The following TXNDC16 variants were observed in gnomAD, a reference collection of about 807,000 sequenced individuals.
TXNDC16 encodes thioredoxin domain containing 16.
In TXNDC16, 74 loss-of-function variants were observed where a neutral mutation model predicts 85.6. The ratio of observed to expected loss-of-function variants is 0.86; its 90% CI spans 0.72 to 1.05. The LOEUF (loss-of-function observed/expected upper bound fraction) is 1.05, where lower values mean the gene tolerates loss of function less well. TXNDC16 is among the 50% of genes least tolerant of loss of function. The pLI is 0.00. For synonymous variants in TXNDC16, 335 were observed against 326.5 expected (o/e 1.03, Z -0.28); for missense variants, 959 against 947.0 (o/e 1.01, Z -0.17).
In TXNDC16 at chr14:52,439,392, T is replaced by C. The variant is rs1342066768; in HGVS notation, c.2006A>G (p.Lys669Arg). 1.2e-6 allele frequency: 2 copies of C among 1,611,112 alleles called. No homozygotes were observed. The highest frequency in any genetic ancestry group is 1.1e-5 in the South Asian group (1 of 90,652). Residue 669 changes from lysine to arginine, a missense_variant and splice_region_variant, in exon 20 of 21, where the codon AAG (lysine) becomes AGG (arginine). By Grantham distance (26) the Lys-to-Arg change is conservative. Coordinates refer to ENST00000281741, the MANE Select transcript of TXNDC16 (RefSeq NM_020784.3). ...GATTCCTCTCCCCACTGGAGTATTCTTTCTGCAAAAGGGAACAATTGAACA... is the reference window on the plus strand; with the variant it reads ...GATTCCTCTCCCCACTGGAGTATTCCTTCTGCAAAAGGGAACAATTGAACA... ...DSFTPCWLNLKNTPVGRGILR... is the reference protein window; with the variant it reads ...DSFTPCWLNLRNTPVGRGILR...
intron 8 of TXNDC16, among the ~76,000 whole-genome samples, chr14:52,514,385 TAGG>T (rs2140186220): frequency 6.6e-6 from 1 of 152,290 alleles, no homozygotes; most frequent in African/African-American, 2.4e-5. Context: ...ACTTTAACCC[TAGG>T]TTGCCCAGCC....
intron 16 of TXNDC16, among the ~76,000 whole-genome samples, chr14:52,466,159 A>C (rs1464670916): frequency 6.6e-6 from 1 of 151,940 alleles, no homozygotes; most frequent in Non-Finnish European, 1.5e-5. Flanking sequence ...CTCAGCAATA[A>C]AGGTAATATG....
intron 9 of TXNDC16, among the ~76,000 whole-genome samples, chr14:52,500,799 G>C (rs187545437): frequency 2.0e-5 from 3 of 152,154 alleles, no homozygotes; most frequent in African/African-American, 7.2e-5. Flanking sequence ...GAGACAGACA[G>C]CTAGATGAAC....
At chr14:52,453,408 A>C (rs530707918) in intron 18 of TXNDC16, among the ~76,000 whole-genome samples, 59 of 152,364 alleles carry the variant, frequency 3.9e-4, no homozygotes, top group African/African-American at 1.2e-3. Flanking sequence ...ATAACAGCCA[A>C]GATTTGGAAG....
chr14:52,508,469 G>C (rs1322103542), intron 9 of TXNDC16, among the ~76,000 whole-genome samples: 1 of 152,198 alleles, frequency 6.6e-6, no homozygotes, highest in Non-Finnish European at 1.5e-5. Flanking sequence ...CTGTTGGTGG[G>C]ACTGTAAACT....
At chr14:52,447,954 G>T (rs1055787129) in intron 18 of TXNDC16, among the ~76,000 whole-genome samples, 1 of 150,336 alleles carries the variant, frequency 6.7e-6, no homozygotes, top group Non-Finnish European at 1.5e-5. Flanking sequence ...GCAGAAGAAA[G>T]AATTACTGAG....
At chr14:52,482,792 T>C in intron 13 of TXNDC16, 30 bp downstream of exon 13, 3 of 1,556,174 alleles carry the variant, frequency 1.9e-6, no homozygotes, top group Non-Finnish European at 1.7e-6. Context: ...TGTCCTAATA[T>C]GTAACAGTCC....
In TXNDC16 at chr14:52,542,367, C is replaced by T. The variant is rs761478022; in HGVS notation, c.243+4G>A. On this transcript the variant is annotated splice_donor_region_variant and intron_variant, in intron 4 of 20. Transcript: ENST00000281741. Reference sequence around the variant, plus strand: ...ATATTTTAGTAACATAAATATCTTTCTACCTTGGCAACTGAAATTCCATAG... The same window carrying T: ...ATATTTTAGTAACATAAATATCTTTTTACCTTGGCAACTGAAATTCCATAG... The T allele has an allele frequency of 6.3e-7, 1 of 1,593,744 alleles. No individual in the cohort carries two copies. The highest frequency in any genetic ancestry group is 8.6e-7 in the Non-Finnish European group (1 of 1,168,118).
At chr14:52,434,624 A>C (rs2034985077) in intron 20 of TXNDC16, among the ~76,000 whole-genome samples, 1 of 152,236 alleles carries the variant, frequency 6.6e-6, no homozygotes, top group Non-Finnish European at 1.5e-5. Context: ...GCAATAAGTA[A>C]GGTGAGGCAG....
chr14:52,540,945 G>A (rs2037817135), intron 4 of TXNDC16, among the ~76,000 whole-genome samples: 1 of 152,052 alleles, frequency 6.6e-6, no homozygotes, highest in Non-Finnish European at 1.5e-5. Context: ...TGTAAAATCA[G>A]GAGTTTCAGG....
At chr14:52,472,194 T>C (rs2035922734) in intron 14 of TXNDC16, among the ~76,000 whole-genome samples, 1 of 151,972 alleles carries the variant, frequency 6.6e-6, no homozygotes, top group South Asian at 2.1e-4. Flanking sequence ...CTGTCTTTTT[T>C]TTTTTTGCTT....
chr14:52,534,375 G>A (rs533437020), intron 6 of TXNDC16, among the ~76,000 whole-genome samples: 3 of 152,238 alleles, frequency 2.0e-5, no homozygotes, highest in African/African-American at 4.8e-5. Flanking sequence ...ACACAAATTC[G>A]TAAACTTTCT....
intron 16 of TXNDC16, among the ~76,000 whole-genome samples, chr14:52,469,820 A>G (rs1196614308): frequency 6.6e-6 from 1 of 152,224 alleles, no homozygotes; most frequent in African/African-American, 2.4e-5. Context: ...TAAAACATAC[A>G]TAAATATGCA....
At chr14:52,453,080 G>A (rs933739805) in intron 18 of TXNDC16, among the ~76,000 whole-genome samples, 14 of 152,124 alleles carry the variant, frequency 9.2e-5, no homozygotes, top group Non-Finnish European at 1.6e-4. Flanking sequence ...TACATGAAAA[G>A]GTGCTCAACA....
chr14:52,444,692 C>T (rs2035238842), intron 18 of TXNDC16, among the ~76,000 whole-genome samples: 1 of 152,006 alleles, frequency 6.6e-6, no homozygotes, highest in Admixed American at 6.6e-5. Context: ...AAATTAGAGA[C>T]CAATTTTTAT....
At chr14:52,497,880 CAAA>C (rs36007755) in intron 9 of TXNDC16, among the ~76,000 whole-genome samples, 22 of 95,538 alleles carry the variant, frequency 2.3e-4, no homozygotes, top group Non-Finnish European at 3.0e-4. Context: ...GACTCTGTCT[CAAA>C]AAAAAAAAAA....
At chr14:52,459,112 T>C (rs2035597770) in intron 16 of TXNDC16, among the ~76,000 whole-genome samples, 2 of 152,198 alleles carry the variant, frequency 1.3e-5, no homozygotes, top group Non-Finnish European at 1.5e-5. Flanking sequence ...TCAGCTACTA[T>C]AAATATATTT....
chr14:52,505,349 A>C (rs1371552244), intron 9 of TXNDC16, among the ~76,000 whole-genome samples: 2 of 152,234 alleles, frequency 1.3e-5, no homozygotes, highest in Admixed American at 1.3e-4. Context: ...ATGTAAAAAA[A>C]CAGAAATTAT....
chr14:52,525,185 T>A (rs2037298815), intron 6 of TXNDC16, among the ~76,000 whole-genome samples: 1 of 152,066 alleles, frequency 6.6e-6, no homozygotes, highest in Non-Finnish European at 1.5e-5. Context: ...TGCCACACCA[T>A]GAACTCACAT....
Sources: gnomAD v4.1 joint callset for allele counts (sites outside exome capture counted in the v4.1 genomes callset) on GRCh38, gnomAD v4.1.1 for gene constraint, MANE v1.5 for transcripts, NCBI Gene and HGNC (gene_info 2026-07-23, HGNC 2026-07-21) for gene names.